PDE4D: variants seen among roughly 807,000 people sequenced by gnomAD.
PDE4D encodes the protein 3',5'-cyclic-AMP phosphodiesterase 4D.
A neutral mutation model predicts 87.4 loss-of-function variants in PDE4D; 24 were observed. The observed-to-expected ratio is 0.27, with a 90% CI of 0.20 to 0.39. The LOEUF is 0.39. Among genes scored for constraint, PDE4D ranks in the 10% least tolerant of loss-of-function variants. The pLI is 1.00. For missense variants in PDE4D, 714 were observed against 1,041.0 expected, an observed-to-expected ratio of 0.69 and a Z score of 4.32; for synonymous variants, 384 against 383.2, an observed-to-expected ratio of 1.00 and a Z score of -0.02.
At chr5:59,762,263 T>C (rs1561614883) in intron 1 of PDE4D, among the ~76,000 whole-genome samples, 1 of 43,994 alleles carries the variant, frequency 2.3e-5, no homozygotes, top group African/African-American at 7.9e-5. Flanking sequence ...CACATATGCG[T>C]ATATGTGTAT....
At chr5:59,568,907 T>A (rs1340071462) in intron 1 of PDE4D, among the ~76,000 whole-genome samples, 1 of 152,132 alleles carries the variant, frequency 6.6e-6, no homozygotes, top group South Asian at 2.1e-4. Context: ...ATAATAATAA[T>A]GTACCAATAC....
Position 60,460,797 on chromosome 5 carries a change from C to A in PDE4D, c.-90+27145G>T, listed in dbSNP as rs1746871153. 8 of 565,920 alleles carry A rather than the reference C, an allele frequency of 1.4e-5. No homozygotes were observed. The Admixed American group carries it at 2.2e-4, about 16-fold the overall frequency. The allele number at this position is 565,920 out of a possible 1,614,324, so 35.1% of individuals were successfully genotyped here. Reference sequence around the variant, plus strand: ...GTCTCCTTGCTCATCCGGAAGCAGGCAGAACACTCTGGTATAAGATTTATT... The same window carrying A: ...GTCTCCTTGCTCATCCGGAAGCAGGAAGAACACTCTGGTATAAGATTTATT... On this transcript the variant is annotated intron_variant, in intron 1 of 16. Transcript: ENST00000502484.
chr5:59,777,804 A>G (rs553237409), intron 1 of PDE4D, among the ~76,000 whole-genome samples: 94 of 152,344 alleles, frequency 6.2e-4, no homozygotes, highest in African/African-American at 2.2e-3. Flanking sequence ...ACAGTATTAC[A>G]TAACAAAATC....
chr5:58,975,773 G>GGC lies in PDE4D; in HGVS notation c.1895_1896dup (p.Gln633AlafsTer7). On this transcript the variant is annotated frameshift_variant, in exon 14 of 15. Coordinates refer to ENST00000340635, the MANE Select transcript of PDE4D (RefSeq NM_001104631.2). LOFTEE classifies it high-confidence loss of function. This position sits in a 1 kb window ranked among gnomAD's most constrained non-coding sequence, Gnocchi z 4.2. The stretch of plus-strand genomic sequence containing the variant: ...TCCTCCATTATCCGGTCCGTCCACT[G>GGC]GCGGTACAGCTGGAGAGGCTTTGTT... The GGC allele has an allele frequency of 6.2e-7, 1 of 1,612,688 alleles. No homozygotes were observed. Among genetic ancestry groups the GGC allele is most frequent in the Non-Finnish European group, 8.5e-7 (1 of 1,179,236 alleles).
chr5:59,425,750 C>T (rs372768082), intron 1 of PDE4D, among the ~76,000 whole-genome samples: 5 of 152,202 alleles, frequency 3.3e-5, no homozygotes, highest in East Asian at 1.9e-4. Context: ...ATGCCTCCCT[C>T]GTGCAGGTTC....
intron 1 of PDE4D, among the ~76,000 whole-genome samples, chr5:59,748,128 T>A (rs192015331): frequency 6.6e-6 from 1 of 152,196 alleles, no homozygotes; most frequent in Non-Finnish European, 1.5e-5. Flanking sequence ...CTTTGAGTAG[T>A]CCTCTCTCAC....
chr5:59,561,894 T>A (rs1362796127), intron 1 of PDE4D, among the ~76,000 whole-genome samples: 1 of 149,708 alleles, frequency 6.7e-6, no homozygotes, highest in African/African-American at 2.5e-5. Context: ...ATCGCACCAC[T>A]GCACTCCAGC....
At chr5:60,085,592 C>T (rs1208764674) in intron 2 of PDE4D, among the ~76,000 whole-genome samples, 1 of 152,050 alleles carries the variant, frequency 6.6e-6, no homozygotes, top group Non-Finnish European at 1.5e-5. Context: ...TGGAGAATGC[C>T]TTCATGTAGA....
At position 59,170,881 on chromosome 5, in the gene PDE4D, CT is replaced by C. The variant is rs1260829199; in HGVS notation, c.808+9713del. 5.2e-3 allele frequency among the ~76,000 whole-genome samples: 715 copies of C among 138,520 alleles called. 1 individual carries two copies. The highest frequency in any genetic ancestry group is 0.019 in the Middle Eastern group (5 of 270). The allele number at this position is 138,520 out of a possible 152,430, so 90.9% of individuals were successfully genotyped here. ...ATGAACATGTGTATATATACTTTCA[CT>C]TTTTTTTTTTTTTTTTGAGATGAAG... On this transcript the variant is annotated intron_variant, in intron 5 of 14. Coordinates refer to ENST00000340635, the MANE Select transcript of PDE4D (RefSeq NM_001104631.2).
chr5:59,205,311 AT>A (rs1328707735), intron 2 of PDE4D, among the ~76,000 whole-genome samples: 1 of 152,148 alleles, frequency 6.6e-6, no homozygotes, highest in African/African-American at 2.4e-5. Flanking sequence ...ATTAACATAT[AT>A]ATTGATGGGT....
chr5:59,854,556 C>T (rs1745138333), intron 1 of PDE4D, among the ~76,000 whole-genome samples: 1 of 151,966 alleles, frequency 6.6e-6, no homozygotes, highest in African/African-American at 2.4e-5. Context: ...CCTAAACATC[C>T]AATATTATAT....
chr5:59,589,306 T>C (rs527254911), intron 1 of PDE4D, among the ~76,000 whole-genome samples: 6 of 152,326 alleles, frequency 3.9e-5, no homozygotes, highest in Middle Eastern at 3.4e-3. Flanking sequence ...TATTTTGGCA[T>C]CACAGAATTA....
intron 1 of PDE4D, among the ~76,000 whole-genome samples, chr5:59,554,562 G>A (rs1818603135): frequency 6.6e-6 from 1 of 152,152 alleles, no homozygotes; most frequent in Admixed American, 6.6e-5. Flanking sequence ...AAGTCCAAAG[G>A]AATATGAATA....
At chr5:59,669,038 G>A (rs1272340177) in intron 1 of PDE4D, among the ~76,000 whole-genome samples, 4 of 152,214 alleles carry the variant, frequency 2.6e-5, no homozygotes, top group Admixed American at 2.0e-4. Context: ...GACACATTCA[G>A]TTAGGTTATG....
intron 1 of PDE4D, among the ~76,000 whole-genome samples, chr5:59,833,138 C>A (rs1212075873): frequency 6.6e-6 from 1 of 152,020 alleles, no homozygotes; most frequent in African/African-American, 2.4e-5. Context: ...GGACAGATGG[C>A]AAGGGCCAGA....
intron 1 of PDE4D, among the ~76,000 whole-genome samples, chr5:59,585,510 C>A (rs1824971762): frequency 6.6e-6 from 1 of 152,172 alleles, no homozygotes; most frequent in African/African-American, 2.4e-5. Flanking sequence ...CTTTATTATG[C>A]ATTCACAAAG....
chr5:60,399,237 A>G (rs1453118296), intron 1 of PDE4D, among the ~76,000 whole-genome samples: 1 of 152,226 alleles, frequency 6.6e-6, no homozygotes, highest in Non-Finnish European at 1.5e-5. Flanking sequence ...AAACTTCAAG[A>G]AAGCTATAAA....
chr5:59,853,683 G>A (rs1363892556), intron 1 of PDE4D, among the ~76,000 whole-genome samples: 1 of 151,818 alleles, frequency 6.6e-6, no homozygotes, highest in African/African-American at 2.4e-5. Flanking sequence ...AAAGAGGCAG[G>A]GCAGAAACAG....
intron 1 of PDE4D, among the ~76,000 whole-genome samples, chr5:59,237,782 GGTGT>G (rs61375269): frequency 0.055 from 1,618 of 29,404 alleles, 11 homozygotes; most frequent in Middle Eastern, 0.098. Context: ...CCCTCATATA[GGTGT>G]GTGTGTGTGT....
Sources: allele counts gnomAD v4.1 joint callset (sites outside exome capture counted in the v4.1 genomes callset), GRCh38; gene constraint gnomAD v4.1.1; non-coding constraint Gnocchi (gnomAD v3.1); transcripts MANE v1.5; gene names NCBI Gene and HGNC (gene_info 2026-07-23, HGNC 2026-07-21).